ENOX1: variants seen among roughly 807,000 people sequenced by gnomAD.
ENOX1 encodes candidate growth-related and time keeping constitutive hydroquinone (NADH) oxidase.
Under a neutral mutation model 82.5 loss-of-function variants are expected in ENOX1, and 42 were observed. That is an observed-to-expected ratio of 0.51 (90% CI 0.40 to 0.66). The LOEUF (loss-of-function observed/expected upper bound fraction) is 0.66, where lower values mean the gene tolerates loss of function less well. Ranked by LOEUF, ENOX1 falls within the 30% of genes least tolerant of loss-of-function variation. ENOX1 has a pLI of 0.00. For synonymous variants in ENOX1, 271 were observed against 282.2 expected (o/e 0.96, Z 0.40); for missense variants, 608 against 811.6 (o/e 0.75, Z 3.05).
chr13:43,679,112 C>T (rs9562505), intron 1 of ENOX1, among the ~76,000 whole-genome samples: 5 of 152,170 alleles, frequency 3.3e-5, no homozygotes, highest in Non-Finnish European at 7.4e-5. Context: ...AACCACTATG[C>T]TGAGCAGCAG....
At chr13:43,562,037 T>C (rs759449731) in intron 2 of ENOX1, among the ~76,000 whole-genome samples, 1 of 150,290 alleles carries the variant, frequency 6.7e-6, no homozygotes, top group Non-Finnish European at 1.5e-5. Context: ...GAGAGGGAAA[T>C]GCAGCAAGGA....
chr13:43,597,867 T>C (rs2081535933), intron 2 of ENOX1, among the ~76,000 whole-genome samples: 1 of 152,166 alleles, frequency 6.6e-6, no homozygotes, highest in Non-Finnish European at 1.5e-5. Context: ...ATCTGGCCTC[T>C]TCTCATATCA....
intron 12 of ENOX1, among the ~76,000 whole-genome samples, chr13:43,292,161 A>C: frequency 6.6e-6 from 1 of 152,236 alleles, no homozygotes; most frequent in Non-Finnish European, 1.5e-5. Context: ...CAGGAACCAC[A>C]AAGATCTTAA....
chr13:43,319,686 C>T (rs2047700917), intron 11 of ENOX1, among the ~76,000 whole-genome samples: 1 of 152,130 alleles, frequency 6.6e-6, no homozygotes, highest in Non-Finnish European at 1.5e-5. Flanking sequence ...CACCTCCTCC[C>T]GGCACAGGCA....
chr13:43,522,339 C>A (rs1197447700), intron 2 of ENOX1, among the ~76,000 whole-genome samples: 2 of 152,006 alleles, frequency 1.3e-5, no homozygotes, highest in Non-Finnish European at 2.9e-5. Flanking sequence ...TTGTATTAGT[C>A]ATTTTATACA....
chr13:43,578,807 C>T (rs1295431301), intron 2 of ENOX1, among the ~76,000 whole-genome samples: 1 of 152,146 alleles, frequency 6.6e-6, no homozygotes, highest in African/African-American at 2.4e-5. Context: ...TCAATGAACA[C>T]AAAATCAAAA....
intron 16 of ENOX1, 97 bp from the exon 17 acceptor site, chr13:43,214,218 C>CATTT (rs2041340485): frequency 7.7e-7 from 1 of 1,303,876 alleles, no homozygotes; most frequent in Non-Finnish European, 1.1e-6. Context: ...ATATGAACAG[C>CATTT]ATTTAGTTTT....
At chr13:43,462,946 A>G (rs2057553979) in intron 3 of ENOX1, among the ~76,000 whole-genome samples, 1 of 152,222 alleles carries the variant, frequency 6.6e-6, no homozygotes, top group Non-Finnish European at 1.5e-5. Flanking sequence ...AAGGTAGTGC[A>G]TAGTCGTTAC....
intron 3 of ENOX1, among the ~76,000 whole-genome samples, chr13:43,455,401 C>T (rs1255872532): frequency 6.6e-6 from 1 of 152,088 alleles, no homozygotes; most frequent in African/African-American, 2.4e-5. Context: ...GTAAAGAACC[C>T]TAATGAGCTA....
At chr13:43,528,717 C>T (rs913999764) in intron 2 of ENOX1, among the ~76,000 whole-genome samples, 2 of 151,968 alleles carry the variant, frequency 1.3e-5, no homozygotes, top group Non-Finnish European at 2.9e-5. Context: ...ATCCTAGGTT[C>T]AAAAAGTTTT....
chr13:43,659,500 A>AG (rs1229595938), intron 2 of ENOX1, among the ~76,000 whole-genome samples: 2 of 151,918 alleles, frequency 1.3e-5, no homozygotes, highest in Admixed American at 1.3e-4. Flanking sequence ...AAAAAAAAAA[A>AG]AATTTTCTTC....
chr13:43,467,992 A>T (rs2057811065), intron 3 of ENOX1, among the ~76,000 whole-genome samples: 1 of 152,086 alleles, frequency 6.6e-6, no homozygotes. Context: ...AGGTTTATTC[A>T]TGGATTCTCT....
At chr13:43,317,347 C>T (rs1369768688) in intron 11 of ENOX1, among the ~76,000 whole-genome samples, 1 of 152,170 alleles carries the variant, frequency 6.6e-6, no homozygotes, top group African/African-American at 2.4e-5. Context: ...GTAACCCTCT[C>T]CTTCTTCTGT....
chr13:43,444,491 G>T (rs1305208260), intron 3 of ENOX1, among the ~76,000 whole-genome samples: 1 of 152,158 alleles, frequency 6.6e-6, no homozygotes, highest in Non-Finnish European at 1.5e-5. Context: ...TCTTCAGCTG[G>T]GTTCTAGGAA....
At chr13:43,359,230 A>G (rs768783690) in intron 7 of ENOX1, among the ~76,000 whole-genome samples, 1 of 152,226 alleles carries the variant, frequency 6.6e-6, no homozygotes, top group Non-Finnish European at 1.5e-5. Flanking sequence ...TTCCAAAGCC[A>G]GCCCCTAATT....
intron 2 of ENOX1, among the ~76,000 whole-genome samples, chr13:43,531,940 G>A (rs1851822464): frequency 7.5e-6 from 1 of 134,000 alleles, no homozygotes; most frequent in Non-Finnish European, 1.6e-5. Flanking sequence ...GAGGGGAGGG[G>A]GGAGGGATAG....
intron 2 of ENOX1, among the ~76,000 whole-genome samples, chr13:43,622,590 G>T (rs2082784611): frequency 6.6e-6 from 1 of 152,216 alleles, no homozygotes; most frequent in African/African-American, 2.4e-5. Flanking sequence ...AGAGTCCTGT[G>T]ATGTGAACCA....
chr13:43,663,298 C>T (rs1480115268), intron 2 of ENOX1, among the ~76,000 whole-genome samples: 2 of 152,140 alleles, frequency 1.3e-5, no homozygotes, highest in Non-Finnish European at 2.9e-5. Context: ...TGATTTCTGC[C>T]TTCCTATAGA....
In ENOX1 at chr13:43,653,472, C is replaced by A. The variant is rs564057499; in HGVS notation, c.-219+14007G>T. Among the ~76,000 whole-genome samples the A allele has an allele frequency of 2.6e-5, 4 of 152,134 alleles. No individual in the cohort carries two copies. In the South Asian group the frequency reaches 8.3e-4, roughly 32 times the overall value. On this transcript the variant is annotated intron_variant, in intron 2 of 16. Coordinates refer to ENST00000690772, the MANE Select transcript of ENOX1 (RefSeq NM_001347969.2). ...TTCAAAGTATTAATTTTTAAAGCGGCCAAAATTGCTAACAACCAGGGAAAG... is the reference window on the plus strand; with the variant it reads ...TTCAAAGTATTAATTTTTAAAGCGGACAAAATTGCTAACAACCAGGGAAAG...
Sources: gnomAD v4.1 joint callset for allele counts (sites outside exome capture counted in the v4.1 genomes callset) on GRCh38, gnomAD v4.1.1 for gene constraint, MANE v1.5 for transcripts, NCBI Gene and HGNC (gene_info 2026-07-23, HGNC 2026-07-21) for gene names.